OGA: variants seen among roughly 807,000 people sequenced by gnomAD.
OGA encodes the protein O-GlcNAcase.
In OGA, 21 loss-of-function variants were observed where a neutral mutation model predicts 102.0. The ratio of observed to expected loss-of-function variants is 0.21; its 90% CI spans 0.15 to 0.30. The LOEUF (loss-of-function observed/expected upper bound fraction) is 0.30, where lower values mean the gene tolerates loss of function less well. Ranked by LOEUF, OGA falls within the 10% of genes least tolerant of loss-of-function variation. The pLI, the probability that OGA is intolerant of heterozygous loss-of-function variation, is 1.00. For synonymous variants in OGA, 408 were observed against 378.2 expected (o/e 1.08, Z -0.91); for missense variants, 765 against 1,107.8 (o/e 0.69, Z 4.39).
intron 7 of OGA, among the ~76,000 whole-genome samples, chr10:101,801,009 G>T (rs1336285223): frequency 6.6e-6 from 1 of 151,950 alleles, no homozygotes; most frequent in East Asian, 1.9e-4. Flanking sequence ...TCGACCTTGT[G>T]ATCTGCCCAC....
chr10:101,807,477 T>C (rs1255331879), intron 5 of OGA, among the ~76,000 whole-genome samples: 1 of 152,240 alleles, frequency 6.6e-6, no homozygotes, highest in Non-Finnish European at 1.5e-5. Flanking sequence ...ATCCCTCTTT[T>C]AATATTGACA....
chr10:101,810,378 G>T, intron 3 of OGA, 64 bp from the exon 4 acceptor site: 2 of 1,419,184 alleles, frequency 1.4e-6, no homozygotes, highest in Non-Finnish European at 1.9e-6. Context: ...TTCACTGAAG[G>T]TTTAACTGAA....
intron 4 of OGA, among the ~76,000 whole-genome samples, chr10:101,808,102 A>G (rs903542810): frequency 1.3e-5 from 2 of 152,210 alleles, no homozygotes; most frequent in Non-Finnish European, 2.9e-5. Flanking sequence ...TGAATGCACT[A>G]CAGGCTGAGT....
chr10:101,787,142 G>A (rs764112957), intron 15 of OGA, among the ~76,000 whole-genome samples: 10 of 150,616 alleles, frequency 6.6e-5, no homozygotes, highest in South Asian at 6.4e-4. Flanking sequence ...TCGGCCTCCC[G>A]AAGTGCTAGG....
At position 101,799,036 on chromosome 10, in the gene OGA, C is replaced by A. The variant is rs376528026; in HGVS notation, c.1615G>T (p.Val539Leu). 1 of 1,614,246 alleles carries A rather than the reference C, an allele frequency of 6.2e-7. No individual in the cohort carries two copies. The highest frequency in any genetic ancestry group is 8.5e-7 in the Non-Finnish European group (1 of 1,180,046). ...AAAGGCTTTTCATTTGGACCTGGCA[C>A]AAACTGCTCCTTGTTTGTCTGTTCA... ...TDEQTNKEQF[V>L]PGPNEKPLYT... is the part of the protein sequence containing the mutation. Residue 539 changes from valine to leucine, a missense_variant, in exon 9 of 16, where the codon GTG (valine) becomes TTG (leucine). Val to Leu is a conservative substitution (Grantham distance 32). Coordinates refer to ENST00000361464, the MANE Select transcript of OGA (RefSeq NM_012215.5).
chr10:101,817,055 A>C (rs1305333869), intron 1 of OGA, among the ~76,000 whole-genome samples: 3 of 152,228 alleles, frequency 2.0e-5, no homozygotes, highest in African/African-American at 7.2e-5. Context: ...TGCAAGGTGG[A>C]CTATCTGTCC....
At chr10:101,809,828 G>A (rs994486577) in intron 4 of OGA, among the ~76,000 whole-genome samples, 1 of 150,936 alleles carries the variant, frequency 6.6e-6, no homozygotes, top group South Asian at 2.1e-4. Context: ...AAGATCATGA[G>A]GTGAGCAGTT....
At chr10:101,805,620 A>C (rs1428532369) in intron 6 of OGA, among the ~76,000 whole-genome samples, 1 of 141,124 alleles carries the variant, frequency 7.1e-6, no homozygotes, top group Non-Finnish European at 1.5e-5. Flanking sequence ...GTGCCACTGC[A>C]CTCCAGCCTG....
At chr10:101,791,922 G>A (rs1366930542) in intron 12 of OGA, among the ~76,000 whole-genome samples, 1 of 152,136 alleles carries the variant, frequency 6.6e-6, no homozygotes, top group Non-Finnish European at 1.5e-5. Context: ...CGCCTCTCAG[G>A]CTCAAGTAAT....
intron 1 of OGA, among the ~76,000 whole-genome samples, chr10:101,814,698 C>G (rs1391751017): frequency 6.6e-6 from 1 of 152,174 alleles, no homozygotes; most frequent in Non-Finnish European, 1.5e-5. Context: ...CAAACTCTCA[C>G]GCAATCTTAA....
At position 101,815,961 on chromosome 10, in the gene OGA, G is replaced by GAAAAAAAAAA. The variant is rs1185344174; in HGVS notation, c.199+1862_199+1863insTTTTTTTTTT. Among the ~76,000 whole-genome samples the GAAAAAAAAAA allele has an allele frequency of 1.3e-3, 30 of 23,786 alleles. 6 individuals carry two copies. The highest frequency in any genetic ancestry group is 3.3e-3 in the East Asian group (1 of 302). The allele number at this position is 23,786 out of a possible 152,430, so 15.6% of individuals were successfully genotyped here. ...TGCCAACCAAGAGGTATCAAAAAGA[G>GAAAAAAAAAA]AGAAAAAAAAAAAAAAAAAAAAAAA... On this transcript the variant is annotated intron_variant, in intron 1 of 15. Coordinates refer to ENST00000361464, the MANE Select transcript of OGA (RefSeq NM_012215.5).
intron 7 of OGA, among the ~76,000 whole-genome samples, chr10:101,802,276 T>A (rs529461873): frequency 6.6e-6 from 1 of 152,276 alleles, no homozygotes; most frequent in East Asian, 1.9e-4. Context: ...AAATAATCAC[T>A]CTCTCCCGTG....
intron 3 of OGA, among the ~76,000 whole-genome samples, chr10:101,810,598 T>C (rs1042172307): frequency 1.1e-4 from 17 of 152,238 alleles, no homozygotes; most frequent in Non-Finnish European, 2.9e-5. Flanking sequence ...TAGTTTCTTA[T>C]CCTTTTGGGG....
At chr10:101,817,421 T>C (rs1416931740) in intron 1 of OGA, among the ~76,000 whole-genome samples, 1 of 152,200 alleles carries the variant, frequency 6.6e-6, no homozygotes, top group Non-Finnish European at 1.5e-5. Context: ...AGCACGTCAG[T>C]GTGGGCCGAT....
chr10:101,808,271 CAA>C (rs1480880829), intron 4 of OGA, among the ~76,000 whole-genome samples: 3 of 152,120 alleles, frequency 2.0e-5, no homozygotes, highest in Non-Finnish European at 4.4e-5. Flanking sequence ...TTATGGAGCT[CAA>C]AGAGTTTCAT....
intron 1 of OGA, among the ~76,000 whole-genome samples, chr10:101,817,394 T>C (rs2065647032): frequency 6.6e-6 from 1 of 152,210 alleles, no homozygotes; most frequent in Non-Finnish European, 1.5e-5. Flanking sequence ...CGTGCTTCTC[T>C]TCACTCCAGA....
At chr10:101,814,046 G>A (rs1564651652) in intron 1 of OGA, among the ~76,000 whole-genome samples, 1 of 152,270 alleles carries the variant, frequency 6.6e-6, no homozygotes, top group African/African-American at 2.4e-5. Context: ...GGTGAGGGGA[G>A]GCCGGGTGAG....
chr10:101,815,580 G>C (rs1033847443), intron 1 of OGA, among the ~76,000 whole-genome samples: 1 of 152,052 alleles, frequency 6.6e-6, no homozygotes, highest in African/African-American at 2.4e-5. Flanking sequence ...CACCGCGCCC[G>C]GCCAATATAA....
intron 1 of OGA, among the ~76,000 whole-genome samples, chr10:101,816,512 G>T (rs2065627153): frequency 6.6e-6 from 1 of 152,102 alleles, no homozygotes; most frequent in Non-Finnish European, 1.5e-5. Context: ...TTCCAGTCTA[G>T]CTCCGAAATT....
Sources: allele counts gnomAD v4.1 joint callset (sites outside exome capture counted in the v4.1 genomes callset), GRCh38; gene constraint gnomAD v4.1.1; transcripts MANE v1.5; gene names NCBI Gene and HGNC (gene_info 2026-07-23, HGNC 2026-07-21).